Variants in CNTLN observed in about 807,000 individuals in gnomAD.
CNTLN encodes the protein centlein.
In CNTLN, 212 loss-of-function variants were observed where a neutral mutation model predicts 180.0. That is an observed-to-expected ratio of 1.18 (90% CI 1.05 to 1.32). The LOEUF is 1.32. CNTLN is among the 40% of genes most tolerant of loss of function. The pLI is 0.00. For synonymous variants in CNTLN, 722 were observed against 563.1 expected (o/e 1.28, Z -3.99); for missense variants, 2,095 against 1,610.9 (o/e 1.30, Z -5.14).
chr9:17,310,465 A>T (rs1180608486), intron 8 of CNTLN, among the ~76,000 whole-genome samples: 1 of 152,180 alleles, frequency 6.6e-6, no homozygotes, highest in African/African-American at 2.4e-5. Flanking sequence ...CTATTTTTAC[A>T]TGTATCTCTA....
Position 17,259,617 on chromosome 9 carries a change from T to G in CNTLN, c.850-14116T>G, listed in dbSNP as rs980596556. 3.7e-3 allele frequency among the ~76,000 whole-genome samples: 565 copies of G among 150,964 alleles called. 3 individuals are homozygous for G. Among genetic ancestry groups the G allele is most frequent in the Non-Finnish European group, 6.7e-3 (456 of 67,902 alleles). On this transcript the variant is annotated intron_variant, in intron 5 of 25. Transcript: ENST00000380647. ...ATCCATCTGGTCCTGGACTCTTTTT[T>G]GTTGGTAAGCTGTTGATTATTGCCA...
chr9:17,423,400 T>G (rs889203912), intron 18 of CNTLN, among the ~76,000 whole-genome samples: 1 of 152,080 alleles, frequency 6.6e-6, no homozygotes, highest in Non-Finnish European at 1.5e-5. Context: ...GCTTGGTGAT[T>G]TATTTTACTG....
At chr9:17,473,991 C>T (rs1564136357) in intron 23 of CNTLN, among the ~76,000 whole-genome samples, 1 of 152,174 alleles carries the variant, frequency 6.6e-6, no homozygotes, top group Non-Finnish European at 1.5e-5. Context: ...TCTTCTCTGA[C>T]TTCTTTGCTA....
chr9:17,459,650 G>C (rs376260581), intron 19 of CNTLN, among the ~76,000 whole-genome samples: 1 of 151,668 alleles, frequency 6.6e-6, no homozygotes, highest in African/African-American at 2.4e-5. Flanking sequence ...AGTTCTGAAG[G>C]CTGGAAGTCT....
intron 2 of CNTLN, among the ~76,000 whole-genome samples, chr9:17,198,451 A>G (rs537045336): frequency 1.7e-5 from 2 of 119,196 alleles, no homozygotes; most frequent in Admixed American, 9.0e-5. Context: ...TTTTCATTGT[A>G]GAGATCTTTC....
intron 18 of CNTLN, among the ~76,000 whole-genome samples, chr9:17,430,871 A>G (rs1370194240): frequency 6.6e-6 from 1 of 152,152 alleles, no homozygotes; most frequent in Non-Finnish European, 1.5e-5. Flanking sequence ...CTTATTGGAA[A>G]TGACAGGATT....
intron 5 of CNTLN, among the ~76,000 whole-genome samples, chr9:17,262,782 C>T (rs1394073357): frequency 1.3e-5 from 2 of 150,840 alleles, no homozygotes. Context: ...TGTATTTTTC[C>T]AGTTCTTAAA....
intron 8 of CNTLN, among the ~76,000 whole-genome samples, chr9:17,312,460 C>T (rs1260577047): frequency 6.7e-6 from 1 of 149,706 alleles, no homozygotes; most frequent in African/African-American, 2.4e-5. Flanking sequence ...GATCTCGGCT[C>T]ACTGCAAGCT....
intron 2 of CNTLN, among the ~76,000 whole-genome samples, chr9:17,191,089 A>G (rs570632524): frequency 2.0e-5 from 3 of 152,342 alleles, no homozygotes; most frequent in African/African-American, 7.2e-5. Context: ...TAGCCATTAG[A>G]AGTATATGTA....
intron 8 of CNTLN, among the ~76,000 whole-genome samples, chr9:17,328,167 A>G (rs1210713717): frequency 6.6e-6 from 1 of 152,142 alleles, no homozygotes; most frequent in Non-Finnish European, 1.5e-5. Context: ...TCAGTTTATC[A>G]TAGATATCTT....
At chr9:17,460,230 T>A (rs906420198) in intron 19 of CNTLN, among the ~76,000 whole-genome samples, 3 of 151,692 alleles carry the variant, frequency 2.0e-5, no homozygotes, top group South Asian at 2.1e-4. Flanking sequence ...AGAGCCGAGA[T>A]GAGAACTCAA....
chr9:17,205,748 G>A (rs1822873011), intron 2 of CNTLN, among the ~76,000 whole-genome samples: 1 of 152,112 alleles, frequency 6.6e-6, no homozygotes, highest in East Asian at 1.9e-4. Flanking sequence ...AGAGGTTTGG[G>A]GAAAACAATA....
intron 10 of CNTLN, among the ~76,000 whole-genome samples, chr9:17,339,745 A>G (rs552288353): frequency 6.6e-6 from 1 of 152,316 alleles, no homozygotes; most frequent in East Asian, 1.9e-4. Context: ...TTACTTTGAG[A>G]AACACAGTTT....
At chr9:17,192,118 A>C (rs1281200874) in intron 2 of CNTLN, among the ~76,000 whole-genome samples, 1 of 152,224 alleles carries the variant, frequency 6.6e-6, no homozygotes, top group Admixed American at 6.5e-5. Context: ...TAGTTTAACA[A>C]GCATAATGTT....
At chr9:17,359,744 A>AAAAAAAAAAAAAACAAAAAAAG (rs1823191298) in intron 12 of CNTLN, among the ~76,000 whole-genome samples, 12 of 50,240 alleles carry the variant, frequency 2.4e-4, no homozygotes, top group African/African-American at 6.4e-4. Flanking sequence ...AAAAAAAAAA[A>AAAAAAAAAAAAAACAAAAAAAG]AAAAAACTAG....
At chr9:17,400,128 C>G (rs1826855601) in intron 15 of CNTLN, among the ~76,000 whole-genome samples, 1 of 152,010 alleles carries the variant, frequency 6.6e-6, no homozygotes, top group East Asian at 1.9e-4. Flanking sequence ...CAACACAACT[C>G]TACCATTATT....
intron 2 of CNTLN, among the ~76,000 whole-genome samples, chr9:17,190,758 G>T (rs1348792840): frequency 2.0e-5 from 3 of 152,166 alleles, no homozygotes; most frequent in African/African-American, 7.2e-5. Context: ...CTGGTGAAAT[G>T]CTGAAAATGG....
the CNTLN span, among the ~76,000 whole-genome samples, chr9:17,526,953 C>T: frequency 3.9e-5 from 6 of 152,122 alleles, no homozygotes; most frequent in Non-Finnish European, 8.8e-5. Flanking sequence ...TCTCAGCTCA[C>T]TGCAACTTCC....
intron 8 of CNTLN, among the ~76,000 whole-genome samples, chr9:17,311,129 A>G (rs1819103725): frequency 1.3e-5 from 2 of 151,882 alleles, no homozygotes; most frequent in Admixed American, 6.6e-5. Context: ...GGTTCAAGCA[A>G]TTCTCCTGCC....
Sources: allele counts gnomAD v4.1 joint callset (sites outside exome capture counted in the v4.1 genomes callset), GRCh38; gene constraint gnomAD v4.1.1; transcripts MANE v1.5; gene names NCBI Gene and HGNC (gene_info 2026-07-23, HGNC 2026-07-21).